The following UNC5CL variants were observed in gnomAD, a reference collection of about 807,000 sequenced individuals.
UNC5CL encodes UNC5C-like protein.
UNC5CL carries 42 observed loss-of-function variants against 54.1 expected under a neutral mutation model. The observed-to-expected ratio is 0.78, with a 90% CI of 0.61 to 1.00. UNC5CL has a LOEUF of 1.00. Among genes scored for constraint, UNC5CL ranks in the 50% least tolerant of loss-of-function variants. The pLI is 0.00. For missense variants in UNC5CL, 619 were observed against 675.6 expected, an observed-to-expected ratio of 0.92 and a Z score of 0.93; for synonymous variants, 285 against 285.1, an observed-to-expected ratio of 1.00 and a Z score of 0.00.
Position 41,027,479 on chromosome 6 carries a change from T to A in UNC5CL, c.*894A>T. The A allele has an allele frequency of 6.6e-6, 1 of 152,202 alleles. No individual in the cohort carries two copies. Among genetic ancestry groups the A allele is most frequent in the East Asian group, 1.9e-4 (1 of 5,196 alleles). 9.4% of individuals were successfully genotyped at this position (152,202 alleles called of 1,614,324 possible). A position where few individuals can be genotyped will look rare whatever the true frequency, so the allele number is the denominator to read the frequency against. ...AACTTAAAACGCACACCATTGGAGA[T>A]AAAGAGATAAAAGGGCTGGGCCAGA... On this transcript the variant is annotated 3_prime_UTR_variant, in exon 9 of 9. Coordinates refer to ENST00000244565, the MANE Select transcript of UNC5CL (RefSeq NM_173561.3).
intron 1 of UNC5CL, among the ~76,000 whole-genome samples, chr6:41,037,852 T>C (rs1243533430): frequency 6.6e-6 from 1 of 152,254 alleles, no homozygotes; most frequent in Non-Finnish European, 1.5e-5. Context: ...GTAATAATTA[T>C]AATTCCAACT....
chr6:41,034,911 T>A lies in UNC5CL; in HGVS notation c.164A>T (p.Gln55Leu). ...TLNGQEEPVS[Q>L]PTPQLENEVS... ...CTCATTTTCTAGTTGGGGGGTAGGCTGGGACACTGGTTCCTCTTGACCATT... is the reference window on the plus strand; with the variant it reads ...CTCATTTTCTAGTTGGGGGGTAGGCAGGGACACTGGTTCCTCTTGACCATT... The change falls in exon 2 of 9, where the codon CAG becomes CTG. Residue 55 changes from glutamine (Q) to leucine (L), a missense_variant. By Grantham distance (113) the Gln-to-Leu change is moderately radical (BLOSUM62 -2). Transcript: ENST00000244565. 1 of 1,614,200 alleles carries A rather than the reference T, an allele frequency of 6.2e-7. No homozygotes were observed. The highest frequency in any genetic ancestry group is 8.5e-7 in the Non-Finnish European group (1 of 1,180,042).
At chr6:41,032,288 G>A in intron 4 of UNC5CL, 151 bp from the exon 5 acceptor site, 1 of 661,246 alleles carries the variant, frequency 1.5e-6, no homozygotes, top group Non-Finnish European at 2.6e-6. Flanking sequence ...CCCCAAGAGG[G>A]CCCTTGCACT....
intron 1 of UNC5CL, among the ~76,000 whole-genome samples, 154 bp downstream of exon 1, chr6:41,039,008 T>C (rs1047191856): frequency 6.6e-6 from 1 of 151,880 alleles, no homozygotes; most frequent in Non-Finnish European, 1.5e-5. Flanking sequence ...TCATACCCAT[T>C]GGCCAAGTCC....
intron 3 of UNC5CL, chr6:41,033,506 G>A: frequency 2.0e-6 from 1 of 490,292 alleles, no homozygotes; most frequent in Non-Finnish European, 3.6e-6. Context: ...GACAGAGATG[G>A]AATGGAGTCT....
chr6:41,033,703 G>A lies in UNC5CL; in HGVS notation c.686+178C>T, dbSNP rs142728408. 7.5e-4 allele frequency: 515 copies of A among 683,978 alleles called. 6 individuals are homozygous for A. The East Asian group carries it at 0.013, about 17-fold the overall frequency. The allele number at this position is 683,978 out of a possible 1,614,324, so 42.4% of individuals were successfully genotyped here. A position where few individuals can be genotyped will look rare whatever the true frequency, so the allele number is the denominator to read the frequency against. On this transcript the variant is annotated intron_variant, in intron 3 of 8. Transcript: ENST00000244565. ...TTGCAGTCATGGACATGATTGATGT[G>A]AGAAAAACTGCTACAAACATTAGGA... is the stretch of plus-strand genomic sequence containing the variant.
chr6:41,034,895 T>C lies in UNC5CL; in HGVS notation c.180A>G (p.Leu60=), dbSNP rs760559409. ...EEPVSQPTPQ[L]ENEVSRQHLP... Reference sequence around the variant, plus strand: ...GGTGCTGCCTTGAGACCTCATTTTCTAGTTGGGGGGTAGGCTGGGACACTG... The same window carrying C: ...GGTGCTGCCTTGAGACCTCATTTTCCAGTTGGGGGGTAGGCTGGGACACTG... The change falls in exon 2 of 9, where the codon CTA becomes CTG. Residue 60 remains leucine (L), a synonymous_variant. Coordinates refer to ENST00000244565, the MANE Select transcript of UNC5CL (RefSeq NM_173561.3). 1.2e-6 allele frequency: 2 copies of C among 1,614,230 alleles called. No homozygotes were observed. The highest frequency in any genetic ancestry group is 8.5e-7 in the Non-Finnish European group (1 of 1,180,048).
At chr6:41,038,917 G>A (rs1181847351) in intron 1 of UNC5CL, among the ~76,000 whole-genome samples, 1 of 152,182 alleles carries the variant, frequency 6.6e-6, no homozygotes, top group Admixed American at 6.5e-5. Flanking sequence ...TACTGGGATG[G>A]ATGGTCCAAA....
Position 41,034,029 on chromosome 6 carries a change from TGA to T in UNC5CL, c.536_537del (p.Leu179HisfsTer41). Reference protein sequence around the residue: ...HGASFLKPCTLTFKHCAEQPS... With the variant: ...HGASFLKPCTXTFKHCAEQPS... ...GGCTGCTCGGCACAGTGTTTGAACG[TGA>T]GAGTGCAAGGCTTCAGGAAGGAGGC... On this transcript the variant is annotated frameshift_variant, in exon 3 of 9. Coordinates refer to ENST00000244565, the MANE Select transcript of UNC5CL (RefSeq NM_173561.3). LOFTEE classifies it high-confidence loss of function. 6.2e-7 allele frequency: 1 copy of T among 1,614,156 alleles called. No homozygotes were observed. The highest frequency in any genetic ancestry group is 8.5e-7 in the Non-Finnish European group (1 of 1,180,014).
intron 1 of UNC5CL, among the ~76,000 whole-genome samples, chr6:41,036,895 C>T (rs892068832): frequency 6.6e-5 from 10 of 152,224 alleles, no homozygotes; most frequent in African/African-American, 2.4e-4. Context: ...AGTAGCTCTT[C>T]CTGAGGCCCT....
chr6:41,032,141 G>T lies in UNC5CL; in HGVS notation c.950-4C>A, dbSNP rs1450607657. ...CTGTCATCCACATTCTCCCAACCTG[G>T]TGAGTAGGCAGACAGCAGAGGGCCT... On this transcript the variant is annotated splice_polypyrimidine_tract_variant and splice_region_variant and intron_variant, in intron 4 of 8. Coordinates refer to ENST00000244565, the MANE Select transcript of UNC5CL (RefSeq NM_173561.3). 2 of 1,613,660 alleles carry T rather than the reference G, an allele frequency of 1.2e-6. No individual in the cohort carries two copies. The highest frequency in any genetic ancestry group is 1.7e-6 in the Non-Finnish European group (2 of 1,179,706).
rs1015420608 is a variant in UNC5CL, at chr6:41,028,460, G to A, written c.1470C>T (p.Tyr490=). 1.2e-6 allele frequency: 2 copies of A among 1,613,862 alleles called. No homozygotes were observed. The highest frequency in any genetic ancestry group is 2.7e-5 in the African/African-American group (2 of 75,072). ...RLDCASAIQN[Y]LSGTHGGSPG... ...GGCTGCCGCCGTGTGTCCCACTCAG[G>A]TAGTTCTGGATGGCGGAGGCGCAGT... Residue 490 remains tyrosine (Y), a synonymous_variant, in exon 9 of 9, where the codon TAC becomes TAT. Transcript: ENST00000244565. The surrounding 1 kb of genome is among the most constrained non-coding windows in gnomAD (Gnocchi z 4.3).
In UNC5CL at chr6:41,028,451, C is replaced by G. The variant is rs541112581; in HGVS notation, c.1479G>C (p.Gly493=). The change falls in exon 9 of 9, where the codon GGG becomes GGC. Residue 493 remains glycine (G), a synonymous_variant. Coordinates refer to ENST00000244565, the MANE Select transcript of UNC5CL (RefSeq NM_173561.3). The surrounding 1 kb of genome is among the most constrained non-coding windows in gnomAD (Gnocchi z 4.3). ...CASAIQNYLS[G]THGGSPGPER... is the part of the protein sequence containing the mutation. The stretch of plus-strand genomic sequence containing the variant: ...CGGGGCCTGGGCTGCCGCCGTGTGT[C>G]CCACTCAGGTAGTTCTGGATGGCGG... 7.4e-6 allele frequency: 12 copies of G among 1,613,722 alleles called. No individual in the cohort carries two copies. Among genetic ancestry groups the G allele is most frequent in the African/African-American group, 2.7e-5 (2 of 75,078 alleles).
chr6:41,032,028 C>T lies in UNC5CL; in HGVS notation c.1051+8G>A, dbSNP rs769154769. On this transcript the variant is annotated splice_region_variant and intron_variant, in intron 5 of 8. Coordinates refer to ENST00000244565, the MANE Select transcript of UNC5CL (RefSeq NM_173561.3). ...GGGGAGGAGGTACACACAGGGCTCC[C>T]GGACTACCTGCTTTTCTCCGGAAGC... The T allele has an allele frequency of 4.0e-5, 65 of 1,613,764 alleles. No homozygotes were observed. Among genetic ancestry groups the T allele is most frequent in the Non-Finnish European group, 5.1e-5 (60 of 1,179,866 alleles).
chr6:41,033,102 C>A lies in UNC5CL; in HGVS notation c.731G>T (p.Arg244Leu), dbSNP rs779416297. 6.2e-7 allele frequency: 1 copy of A among 1,612,238 alleles called. No individual in the cohort carries two copies. The highest frequency in any genetic ancestry group is 1.3e-5 in the African/African-American group (1 of 75,052). ...VLEAPVGREA[R>L]KWLQLAVFCS... ...GAATACGGCCAGCTGCAGCCATTTG[C>A]GGGCTTCGCGCCCCACAGGTGCCTC... The change falls in exon 4 of 9, where the codon CGC becomes CTC. Residue 244 changes from arginine (R) to leucine (L), a missense_variant. By Grantham distance (102) the Arg-to-Leu change is moderately radical. Coordinates refer to ENST00000244565, the MANE Select transcript of UNC5CL (RefSeq NM_173561.3).
At position 41,029,408 on chromosome 6, in the gene UNC5CL, T is replaced by C. The variant is rs1356113217; in HGVS notation, c.1335-813A>G. Among the ~76,000 whole-genome samples the C allele has an allele frequency of 6.6e-6, 1 of 152,252 alleles. No individual in the cohort carries two copies. Among genetic ancestry groups the C allele is most frequent in the African/African-American group, 2.4e-5 (1 of 41,470 alleles). On this transcript the variant is annotated intron_variant, in intron 8 of 8. Transcript: ENST00000244565. This position sits in a 1 kb window ranked among gnomAD's most constrained non-coding sequence, Gnocchi z 4.1. ...TATTATTCTTGCTTCAGCTGTTTTC[T>C]GTCTCTCTTCAATGTGTTATACAAT...
In UNC5CL at chr6:41,028,725, G is replaced by A. The variant is rs1762418579; in HGVS notation, c.1335-130C>T. ...ATCCTGTAGCTTTTGTCCTTGTCCT[G>A]CTCTTGCCTGCCTTCCAGGGCACAG... On this transcript the variant is annotated intron_variant, in intron 8 of 8. Transcript: ENST00000244565. The surrounding 1 kb of genome is among the most constrained non-coding windows in gnomAD (Gnocchi z 4.3). The A allele has an allele frequency of 1.2e-6, 1 of 849,668 alleles. No individual in the cohort carries two copies. The allele number at this position is 849,668 out of a possible 1,614,324, so 52.6% of individuals were successfully genotyped here.
chr6:41,030,265 C>A, intron 8 of UNC5CL, 123 bp downstream of exon 8: 1 of 836,998 alleles, frequency 1.2e-6, no homozygotes, highest in Non-Finnish European at 2.0e-6. Context: ...ATAGGGTGGA[C>A]AGTAGCCATT....
rs1430627604 is a variant in UNC5CL at position 41,035,047 on chromosome 6, G to T, written c.28C>A (p.Pro10Thr). The T allele has an allele frequency of 1.3e-6, 2 of 1,587,104 alleles. No homozygotes were observed. Among genetic ancestry groups the T allele is most frequent in the Admixed American group, 3.4e-5 (2 of 59,074 alleles). MCPQESSFQ[P>T]SQFLLLVGVP... ...CCCACCAGCAGTAGGAACTGGGAGG[G>T]TTGGAATGAACTCTCCTGGGGGCAC... Residue 10 changes from proline (P) to threonine (T), a missense_variant, in exon 2 of 9, where the codon CCC (proline) becomes ACC (threonine). Transcript: ENST00000244565.
Sources: allele counts gnomAD v4.1 joint callset (sites outside exome capture counted in the v4.1 genomes callset), GRCh38; gene constraint gnomAD v4.1.1; non-coding constraint Gnocchi (gnomAD v3.1); transcripts MANE v1.5; gene names NCBI Gene and HGNC (gene_info 2026-07-23, HGNC 2026-07-21).